Variants in CTNNA3 observed in about 807,000 individuals in gnomAD.
CTNNA3 encodes the protein catenin alpha-3.
CTNNA3 carries 76 observed loss-of-function variants against 95.7 expected under a neutral mutation model. The ratio of observed to expected loss-of-function variants is 0.79; its 90% CI spans 0.66 to 0.96. The LOEUF is 0.96. Among genes scored for constraint, CTNNA3 ranks in the 40% least tolerant of loss-of-function variants. CTNNA3 has a pLI of 0.00. For missense variants in CTNNA3, 1,191 were observed against 1,089.8 expected (o/e 1.09, Z -1.31); for synonymous variants, 431 against 374.4 (o/e 1.15, Z -1.74).
intron 15 of CTNNA3, among the ~76,000 whole-genome samples, chr10:66,065,664 C>T (rs2080299247): frequency 6.6e-6 from 1 of 152,046 alleles, no homozygotes; most frequent in Admixed American, 6.6e-5. Context: ...CTTGAATGCT[C>T]TTTCTTTATC....
chr10:67,323,732 T>A (rs752263158), intron 5 of CTNNA3, among the ~76,000 whole-genome samples: 4 of 152,114 alleles, frequency 2.6e-5, no homozygotes, highest in African/African-American at 4.8e-5. Context: ...TTTAAAATAG[T>A]TCTGTGAAGT....
chr10:66,269,775 C>A (rs1451808968), intron 13 of CTNNA3, among the ~76,000 whole-genome samples: 1 of 152,108 alleles, frequency 6.6e-6, no homozygotes, highest in Non-Finnish European at 1.5e-5. Context: ...CTAATACATA[C>A]ACTAAGAAAG....
chr10:66,927,370 C>T lies in CTNNA3; in HGVS notation c.1048-151846G>A. 1 of 1,614,168 alleles carries T rather than the reference C, an allele frequency of 6.2e-7. No homozygotes were observed. Among genetic ancestry groups the T allele is most frequent in the Non-Finnish European group, 8.5e-7 (1 of 1,180,034 alleles). On this transcript the variant is annotated intron_variant, in intron 7 of 17. Transcript: ENST00000433211. This position sits in a 1 kb window ranked among gnomAD's most constrained non-coding sequence, Gnocchi z 4.7. Reference sequence around the variant, plus strand: ...TCAGCTGCATTCTCTGGGATCTGAACAGTTTCGGGGCTTGCGGAAGCTGCT... The same window carrying T: ...TCAGCTGCATTCTCTGGGATCTGAATAGTTTCGGGGCTTGCGGAAGCTGCT...
chr10:67,419,221 T>C (rs1374626392), intron 5 of CTNNA3, among the ~76,000 whole-genome samples: 1 of 152,016 alleles, frequency 6.6e-6, no homozygotes, highest in Non-Finnish European at 1.5e-5. Flanking sequence ...AAACAAAAAA[T>C]GGAACAATGA....
intron 5 of CTNNA3, among the ~76,000 whole-genome samples, chr10:67,513,310 T>C (rs1839700502): frequency 6.6e-6 from 1 of 152,184 alleles, no homozygotes; most frequent in Non-Finnish European, 1.5e-5. Context: ...ACAAGCATAA[T>C]CAGAAAGAAG....
At chr10:66,837,325 T>G (rs576397025) in intron 7 of CTNNA3, 65 of 152,270 alleles carry the variant, frequency 4.3e-4, no homozygotes, top group African/African-American at 1.3e-3. Context: ...TAGTTACTGT[T>G]GACCCACATT....
chr10:66,417,768 C>T (rs2093158816), intron 11 of CTNNA3, among the ~76,000 whole-genome samples: 1 of 151,576 alleles, frequency 6.6e-6, no homozygotes, highest in African/African-American at 2.4e-5. Context: ...ATAACATGCC[C>T]CTGAACAACC....
intron 11 of CTNNA3, among the ~76,000 whole-genome samples, chr10:66,442,965 G>A (rs557746306): frequency 6.6e-6 from 1 of 152,248 alleles, no homozygotes; most frequent in South Asian, 2.1e-4. Context: ...CCCTAATACT[G>A]CACTTTTCCA....
At chr10:66,070,721 G>C (rs1418757028) in intron 14 of CTNNA3, among the ~76,000 whole-genome samples, 1 of 152,084 alleles carries the variant, frequency 6.6e-6, no homozygotes, top group Non-Finnish European at 1.5e-5. Flanking sequence ...TCCTGTCTAA[G>C]TTTCCCTAGA....
intron 8 of CTNNA3, among the ~76,000 whole-genome samples, chr10:66,768,768 A>ACTT (rs1296077643): frequency 9.0e-6 from 1 of 111,098 alleles, no homozygotes; most frequent in Non-Finnish European, 1.8e-5. Flanking sequence ...ATAAAGAAAA[A>ACTT]CTTAGAGACT....
upstream of CTNNA3, among the ~76,000 whole-genome samples, chr10:67,701,187 T>C (rs1294786157): frequency 4.6e-5 from 7 of 152,306 alleles, no homozygotes; most frequent in East Asian, 1.3e-3. Flanking sequence ...TGGAACCAAG[T>C]TGGAAAACAC....
At chr10:67,688,781 C>A (rs917319996) in intron 1 of CTNNA3, among the ~76,000 whole-genome samples, 2 of 152,156 alleles carry the variant, frequency 1.3e-5, no homozygotes, top group African/African-American at 4.8e-5. Flanking sequence ...CCACAATAGT[C>A]CCTGGACCCT....
chr10:67,416,538 G>T (rs989608120), intron 5 of CTNNA3, among the ~76,000 whole-genome samples: 1 of 150,480 alleles, frequency 6.6e-6, no homozygotes, highest in Non-Finnish European at 1.5e-5. Flanking sequence ...AACCCGGGGG[G>T]CGGAGCTTGC....
At chr10:66,031,232 T>G (rs1941983) in intron 15 of CTNNA3, among the ~76,000 whole-genome samples, 17,850 of 152,146 alleles carry the variant, frequency 0.12, 1,246 homozygotes, top group Non-Finnish European at 0.15. Flanking sequence ...AAATAAATCC[T>G]ACCAAAAAGA....
At chr10:66,120,959 A>G (rs1363230151) in intron 13 of CTNNA3, among the ~76,000 whole-genome samples, 1 of 152,192 alleles carries the variant, frequency 6.6e-6, no homozygotes, top group Admixed American at 6.6e-5. Context: ...GAAGCTGTGA[A>G]AATAACCCAG....
At position 67,755,132 on chromosome 10, in the gene CTNNA3, G is replaced by A. The variant is rs189083914; in HGVS notation, c.-2+8302C>T. 6.6e-5 allele frequency among the ~76,000 whole-genome samples: 10 copies of A among 151,708 alleles called. No homozygotes were observed. In the East Asian group the frequency reaches 1.2e-3, roughly 18 times the overall value. ...CACTTGAGCCCAAGAGTTCAAGGCCGCGGTGACCTATGATCACTCCACTGC... is the reference window on the plus strand; with the variant it reads ...CACTTGAGCCCAAGAGTTCAAGGCCACGGTGACCTATGATCACTCCACTGC... On this transcript the variant is annotated intron_variant, in intron 1 of 17. Coordinates refer to the CTNNA3 transcript ENST00000684154.
chr10:67,700,827 CGAACTACAGGAG>C (rs1841033106), upstream of CTNNA3, among the ~76,000 whole-genome samples: 1 of 152,032 alleles, frequency 6.6e-6, no homozygotes, highest in Non-Finnish European at 1.5e-5. Context: ...CAAACTACTG[CGAACTACAGGAG>C]GAAATTCAAA....
At chr10:66,768,629 A>G (rs1423611944) in intron 8 of CTNNA3, among the ~76,000 whole-genome samples, 2 of 152,142 alleles carry the variant, frequency 1.3e-5, no homozygotes, top group African/African-American at 4.8e-5. Context: ...TTCAGTAAAT[A>G]TTTCTGGAAA....
chr10:67,033,895 C>T (rs1853883849), intron 7 of CTNNA3, among the ~76,000 whole-genome samples: 1 of 152,126 alleles, frequency 6.6e-6, no homozygotes, highest in Admixed American at 6.5e-5. Flanking sequence ...ACTCAGCCTC[C>T]CTAATAGCTG....
Sources: allele counts gnomAD v4.1 joint callset (sites outside exome capture counted in the v4.1 genomes callset), GRCh38; gene constraint gnomAD v4.1.1; non-coding constraint Gnocchi (gnomAD v3.1); transcripts MANE v1.5; gene names NCBI Gene and HGNC (gene_info 2026-07-23, HGNC 2026-07-21).